HHIPL2: variants seen among roughly 807,000 people sequenced by gnomAD.
The protein encoded by HHIPL2 is HHIP-like protein 2.
Under a neutral mutation model 61.0 loss-of-function variants are expected in HHIPL2, and 61 were observed. The observed-to-expected ratio is 1.00, with a 90% CI of 0.81 to 1.24. The LOEUF is 1.24. Among genes scored for constraint, HHIPL2 ranks in the 50% most tolerant of loss-of-function variants. The pLI is 0.00. For synonymous variants in HHIPL2, 343 were observed against 357.4 expected (o/e 0.96, Z 0.45); for missense variants, 885 against 910.2 (o/e 0.97, Z 0.36).
At chr1:222,540,657 A>G (rs1212065542) in intron 3 of HHIPL2, among the ~76,000 whole-genome samples, 1 of 152,218 alleles carries the variant, frequency 6.6e-6, no homozygotes, top group African/African-American at 2.4e-5. Context: ...TTTAATGATG[A>G]GCACAGCTTC....
intron 5 of HHIPL2, among the ~76,000 whole-genome samples, chr1:222,535,566 C>T (rs1383478631): frequency 2.0e-5 from 3 of 152,174 alleles, no homozygotes; most frequent in Non-Finnish European, 4.4e-5. Context: ...TCCCTCCAGA[C>T]GCTCTGGAGG....
chr1:222,528,157 G>A (rs796602035), intron 6 of HHIPL2, among the ~76,000 whole-genome samples: 4 of 152,188 alleles, frequency 2.6e-5, no homozygotes, highest in African/African-American at 4.8e-5. Flanking sequence ...CCCCAGTGGA[G>A]AGTCCCAGAA....
chr1:222,527,175 A>G, intron 6 of HHIPL2, 125 bp from the exon 7 acceptor site: 2 of 705,350 alleles, frequency 2.8e-6, no homozygotes. Flanking sequence ...CCAAGAACGG[A>G]ATCCCAGAAA....
At chr1:222,530,008 A>G (rs1216605028) in intron 6 of HHIPL2, among the ~76,000 whole-genome samples, 1 of 152,150 alleles carries the variant, frequency 6.6e-6, no homozygotes, top group Non-Finnish European at 1.5e-5. Flanking sequence ...AAAACACAAG[A>G]GCAAGCAACT....
chr1:222,535,474 A>G (rs897787987), intron 5 of HHIPL2, among the ~76,000 whole-genome samples: 1 of 152,130 alleles, frequency 6.6e-6, no homozygotes, highest in African/African-American at 2.4e-5. Context: ...AACAACATAC[A>G]CTTATTCTTT....
intron 4 of HHIPL2, among the ~76,000 whole-genome samples, chr1:222,539,527 TAAAAAAA>T (rs10537670): frequency 5.9e-5 from 5 of 85,192 alleles, no homozygotes; most frequent in Non-Finnish European, 4.8e-5. Context: ...AGACTCTGTC[TAAAAAAA>T]AAAAAAAAAA....
At chr1:222,545,508 C>T (rs757231731) in intron 1 of HHIPL2, among the ~76,000 whole-genome samples, 13 of 152,064 alleles carry the variant, frequency 8.5e-5, no homozygotes, top group Non-Finnish European at 1.6e-4. Flanking sequence ...ATGACCCACT[C>T]TTAAGTGTCC....
chr1:222,544,046 G>A lies in HHIPL2; in HGVS notation c.465C>T (p.Arg155=). The A allele has an allele frequency of 6.2e-7, 1 of 1,614,154 alleles. No individual in the cohort carries two copies. Residue 155 remains arginine (R), a synonymous_variant, in exon 2 of 9, where the codon CGC becomes CGT. Transcript: ENST00000343410. ...HSAISLLTND[R]GLQESHGRDG... ...CCCTTCCATGAGACTCCTGGAGGCC[G>A]CGGTCATTGGTCAGCAGGGAAATGG...
At chr1:222,545,536 A>G (rs2102623902) in intron 1 of HHIPL2, among the ~76,000 whole-genome samples, 1 of 151,874 alleles carries the variant, frequency 6.6e-6, no homozygotes, top group South Asian at 2.1e-4. Context: ...CATTCTGTCC[A>G]CTCTCGGAGA....
At position 222,543,951 on chromosome 1, in the gene HHIPL2, T is replaced by C; in HGVS notation, c.560A>G (p.Asn187Ser). ...KDYCFPNVLR[N>S]DYLNRHLGMV... Reference sequence around the variant, plus strand: ...GCCCAGGTGGCGGTTGAGATAGTCGTTCCTCAGGACATTAGGGAAGCAATA... The same window carrying C: ...GCCCAGGTGGCGGTTGAGATAGTCGCTCCTCAGGACATTAGGGAAGCAATA... Residue 187 changes from asparagine to serine, a missense_variant, in exon 2 of 9, where the codon AAC (asparagine) becomes AGC (serine). Physicochemically the swap from Asn to Ser is conservative, Grantham distance 46 (BLOSUM62 1). Coordinates refer to ENST00000343410, the MANE Select transcript of HHIPL2 (RefSeq NM_024746.4). 1 of 1,614,154 alleles carries C rather than the reference T, an allele frequency of 6.2e-7. No individual in the cohort carries two copies. Among genetic ancestry groups the C allele is most frequent in the Non-Finnish European group, 8.5e-7 (1 of 1,180,018 alleles).
chr1:222,537,269 C>G (rs1337907383), intron 5 of HHIPL2, among the ~76,000 whole-genome samples: 7 of 151,176 alleles, frequency 4.6e-5, no homozygotes, highest in Admixed American at 4.6e-4. Context: ...AGAAAATGTC[C>G]CCAGCCTGAT....
chr1:222,540,486 T>C, intron 3 of HHIPL2, 145 bp from the exon 4 acceptor site: 1 of 644,462 alleles, frequency 1.6e-6, no homozygotes, highest in Non-Finnish European at 2.6e-6. Flanking sequence ...TTATTTTCCT[T>C]CTTTTTTTGT....
intron 6 of HHIPL2, among the ~76,000 whole-genome samples, chr1:222,529,676 C>G (rs897576143): frequency 6.6e-6 from 1 of 152,216 alleles, no homozygotes; most frequent in South Asian, 2.1e-4. Flanking sequence ...TACAAATTTA[C>G]TGCAAACAGA....
At chr1:222,532,614 T>C (rs1466554872) in intron 5 of HHIPL2, among the ~76,000 whole-genome samples, 95 of 88,732 alleles carry the variant, frequency 1.1e-3, no homozygotes, top group Non-Finnish European at 4.3e-5. Flanking sequence ...AGACTTTGTC[T>C]CAAAAAAAAA....
In HHIPL2 at chr1:222,544,160, G is replaced by T; in HGVS notation, c.351C>A (p.Tyr117Ter). Residue 117 changes from tyrosine (Y) to a stop codon, truncating the protein, a stop_gained, in exon 2 of 9, where the codon TAC (tyrosine) becomes TAA (stop). Coordinates refer to ENST00000343410, the MANE Select transcript of HHIPL2 (RefSeq NM_024746.4). LOFTEE classifies it high-confidence loss of function. ...GAGGCGTCTGGGTGTTTTCGGCGTC[G>T]TAGAGGTGGGCTGCGTAGGGCGAGC... ...QECSPYAAHL[Y>*]DAENTQTPLR... 1.9e-6 allele frequency: 3 copies of T among 1,613,340 alleles called. No homozygotes were observed. The highest frequency in any genetic ancestry group is 1.1e-5 in the South Asian group (1 of 91,086).
intron 2 of HHIPL2, among the ~76,000 whole-genome samples, chr1:222,542,976 T>C (rs1659465103): frequency 6.6e-6 from 1 of 152,188 alleles, no homozygotes; most frequent in Non-Finnish European, 1.5e-5. Flanking sequence ...CAGTTCTTTA[T>C]GCTCTTTGCA....
intron 7 of HHIPL2, among the ~76,000 whole-genome samples, chr1:222,526,303 A>C (rs935454644): frequency 6.6e-6 from 1 of 152,130 alleles, no homozygotes; most frequent in Non-Finnish European, 1.5e-5. Flanking sequence ...AAAGACCTGG[A>C]GATCTGCACC....
At chr1:222,524,657 T>C (rs1464749848) in intron 7 of HHIPL2, among the ~76,000 whole-genome samples, 1 of 152,188 alleles carries the variant, frequency 6.6e-6, no homozygotes, top group Non-Finnish European at 1.5e-5. Context: ...CCACTGTATT[T>C]AGCTACCCCT....
chr1:222,543,996 A>G lies in HHIPL2; in HGVS notation c.515T>C (p.Leu172Pro). 6.2e-7 allele frequency: 1 copy of G among 1,614,162 alleles called. No individual in the cohort carries two copies. Among genetic ancestry groups the G allele is most frequent in the Non-Finnish European group, 8.5e-7 (1 of 1,180,034 alleles). ...GCAATAGTCCTTGTCAGGAAGGTCC[A>G]GGAGGTGGCAGAAGCGGGTACCGTC... ...GRDGTRFCHL[L>P]DLPDKDYCFP... The change falls in exon 2 of 9, where the codon CTG (leucine) becomes CCG (proline). Residue 172 changes from leucine (L) to proline (P), a missense_variant. Physicochemically the swap from Leu to Pro is moderately conservative, Grantham distance 98 (BLOSUM62 -3). Coordinates refer to ENST00000343410, the MANE Select transcript of HHIPL2 (RefSeq NM_024746.4).
Sources: allele counts gnomAD v4.1 joint callset (sites outside exome capture counted in the v4.1 genomes callset), GRCh38; gene constraint gnomAD v4.1.1; transcripts MANE v1.5; gene names NCBI Gene and HGNC (gene_info 2026-07-23, HGNC 2026-07-21).